Variants in RANBP2 observed in about 807,000 individuals in gnomAD.
RANBP2 encodes RAN binding protein 2.
Under a neutral mutation model 303.6 loss-of-function variants are expected in RANBP2, and 57 were observed. That is an observed-to-expected ratio of 0.19 (90% CI 0.15 to 0.23). The LOEUF is 0.23. Among genes scored for constraint, RANBP2 ranks in the 10% least tolerant of loss-of-function variants. The pLI, the probability that RANBP2 is intolerant of heterozygous loss-of-function variation, is 1.00. For synonymous variants in RANBP2, 1,167 were observed against 1,301.5 expected (o/e 0.90, Z 2.23); for missense variants, 3,138 against 3,780.8 (o/e 0.83, Z 4.46).
the RANBP2 span, among the ~76,000 whole-genome samples, chr2:108,891,539 C>A: frequency 6.6e-6 from 1 of 152,176 alleles, no homozygotes; most frequent in African/African-American, 2.4e-5. Flanking sequence ...ATGGGCCAGT[C>A]TTCAGGCCCT....
chr2:109,455,900 C>T, the RANBP2 span, among the ~76,000 whole-genome samples: 1 of 152,234 alleles, frequency 6.6e-6, no homozygotes, highest in African/African-American at 2.4e-5. Flanking sequence ...CTGCTGTCAC[C>T]TGCACACACT....
the RANBP2 span, among the ~76,000 whole-genome samples, chr2:109,059,391 C>T: frequency 7.9e-5 from 12 of 152,176 alleles, no homozygotes; most frequent in South Asian, 2.1e-4. Context: ...CTGGCTAACA[C>T]GGTGAAACCC....
chr2:109,637,732 TAAC>T, the RANBP2 span, among the ~76,000 whole-genome samples: 2 of 152,182 alleles, frequency 1.3e-5, no homozygotes, highest in Non-Finnish European at 2.9e-5. Context: ...AGCTACAAAT[TAAC>T]AACATCTCAG....
At chr2:109,601,851 GTA>G in the RANBP2 span, among the ~76,000 whole-genome samples, 1 of 151,748 alleles carries the variant, frequency 6.6e-6, no homozygotes, top group Non-Finnish European at 1.5e-5. Context: ...TTCTAGCACT[GTA>G]TGAGTCAAGG....
intron 21 of RANBP2, 45 bp downstream of exon 21, chr2:108,771,916 T>C (rs1677530699): frequency 6.2e-7 from 1 of 1,611,080 alleles, no homozygotes; most frequent in Non-Finnish European, 8.5e-7. Context: ...CCGCTAATCT[T>C]AGTAAAATTG....
chr2:108,805,813 TTCCATC>T, the RANBP2 span, among the ~76,000 whole-genome samples: 163 of 152,320 alleles, frequency 1.1e-3, 2 homozygotes, highest in African/African-American at 3.8e-3. Context: ...ATTTTTTTCC[TTCCATC>T]TGCCAGTTTT....
chr2:109,646,657 ATTT>A, the RANBP2 span, among the ~76,000 whole-genome samples: 1 of 119,006 alleles, frequency 8.4e-6, no homozygotes, highest in African/African-American at 3.2e-5. Context: ...ATGACTGGCT[ATTT>A]TTTTTTTTTT....
the RANBP2 span, among the ~76,000 whole-genome samples, chr2:108,922,566 C>G: frequency 7.9e-5 from 12 of 152,176 alleles, no homozygotes; most frequent in African/African-American, 2.9e-4. Context: ...GACGCAGGCT[C>G]TCCTTCTTCT....
At chr2:108,940,232 G>A in the RANBP2 span, 1 of 152,302 alleles carries the variant, frequency 6.6e-6, no homozygotes, top group African/African-American at 2.4e-5. Flanking sequence ...GCCTGCAGAG[G>A]GCTTGCTGCT....
At chr2:109,250,941 C>G in the RANBP2 span, among the ~76,000 whole-genome samples, 1 of 151,744 alleles carries the variant, frequency 6.6e-6, no homozygotes, top group Non-Finnish European at 1.5e-5. Context: ...TCTAAATTAA[C>G]GTTGTTTAGG....
chr2:108,810,904 A>G, the RANBP2 span, among the ~76,000 whole-genome samples: 1 of 152,088 alleles, frequency 6.6e-6, no homozygotes, highest in Non-Finnish European at 1.5e-5. Context: ...TTCTTGGTTC[A>G]GTCTTACGTT....
the RANBP2 span, among the ~76,000 whole-genome samples, chr2:108,806,707 A>T: frequency 6.6e-6 from 1 of 152,238 alleles, no homozygotes; most frequent in African/African-American, 2.4e-5. Context: ...TCCTGGCTAG[A>T]TGAATAACAT....
At chr2:109,582,961 A>G in the RANBP2 span, among the ~76,000 whole-genome samples, 1 of 152,240 alleles carries the variant, frequency 6.6e-6, no homozygotes. Flanking sequence ...GTGCTAGGAT[A>G]ACTGGCTAGC....
the RANBP2 span, among the ~76,000 whole-genome samples, chr2:109,144,562 C>T: frequency 2.6e-5 from 4 of 152,352 alleles, no homozygotes; most frequent in Middle Eastern, 6.8e-3. Flanking sequence ...CAATTTTATG[C>T]TTGCAAGCAG....
chr2:109,335,206 G>C, the RANBP2 span, among the ~76,000 whole-genome samples: 2 of 152,228 alleles, frequency 1.3e-5, no homozygotes, highest in African/African-American at 4.8e-5. Flanking sequence ...CGAGGCCTAC[G>C]CACCTCAGAG....
At chr2:109,328,897 T>C in the RANBP2 span, among the ~76,000 whole-genome samples, 4 of 152,326 alleles carry the variant, frequency 2.6e-5, no homozygotes, top group South Asian at 8.3e-4. Context: ...CTCCATGCTC[T>C]GAGCAGGGCT....
At chr2:109,031,200 G>C in the RANBP2 span, among the ~76,000 whole-genome samples, 2 of 152,072 alleles carry the variant, frequency 1.3e-5, no homozygotes, top group Admixed American at 1.3e-4. Flanking sequence ...CCTTTTCACC[G>C]TGCTGGAGGC....
At chr2:108,987,311 T>C in the RANBP2 span, among the ~76,000 whole-genome samples, 18 of 152,360 alleles carry the variant, frequency 1.2e-4, no homozygotes, top group Non-Finnish European at 2.6e-4. Context: ...GAACTTTGAC[T>C]AGAAGAGGCT....
the RANBP2 span, among the ~76,000 whole-genome samples, chr2:109,610,289 G>A: frequency 4.6e-5 from 7 of 152,036 alleles, no homozygotes; most frequent in African/African-American, 1.4e-4. Flanking sequence ...GGGGTTTTAC[G>A]GTGTTGGCCA....
Sources: allele counts gnomAD v4.1 joint callset (sites outside exome capture counted in the v4.1 genomes callset), GRCh38; gene constraint gnomAD v4.1.1; transcripts MANE v1.5; gene names NCBI Gene and HGNC (gene_info 2026-07-23, HGNC 2026-07-21).